Variants in VCL observed in about 807,000 individuals in gnomAD.
VCL encodes the protein vinculin.
VCL carries 47 observed loss-of-function variants against 125.7 expected under a neutral mutation model. That is an observed-to-expected ratio of 0.37 (90% confidence interval 0.30 to 0.48). The LOEUF (loss-of-function observed/expected upper bound fraction) is 0.48. Ranked by LOEUF, VCL falls within the 20% of genes least tolerant of loss-of-function variation. The pLI, the probability that VCL is intolerant of heterozygous loss-of-function variation, is 0.99. For missense variants in VCL, 1,069 were observed against 1,455.5 expected, an observed-to-expected ratio of 0.73 and a Z score of 4.32; for synonymous variants, 458 against 514.6, an observed-to-expected ratio of 0.89 and a Z score of 1.49.
intron 18 of VCL, 127 bp downstream of exon 18, chr10:74,109,283 C>A: frequency 1.7e-6 from 2 of 1,176,798 alleles, no homozygotes; most frequent in African/African-American, 1.5e-5. Flanking sequence ...CCTGTGTTGC[C>A]AATAGCATAT....
Position 74,108,532 on chromosome 10 carries a change from C to G in VCL, c.2560-439C>G, listed in dbSNP as rs182789028. On this transcript the variant is annotated intron_variant, in intron 17 of 21. Coordinates refer to ENST00000211998, the MANE Select transcript of VCL (RefSeq NM_014000.3). ...TCTTGCTCTGTCGCCCAGGCTGGAG[C>G]GCAGTGGCATGATCTCAGCTCACGG... 8.0e-4 allele frequency among the ~76,000 whole-genome samples: 121 copies of G among 151,132 alleles called. 13 individuals carry two copies. Among genetic ancestry groups the G allele is most frequent in the Non-Finnish European group, 4.4e-5 (3 of 67,862 alleles).
Position 74,010,869 on chromosome 10 carries a change from A to G in VCL, c.168+12494A>G, listed in dbSNP as rs532460828. Among the ~76,000 whole-genome samples, 294 of 152,246 alleles carry G rather than the reference A, an allele frequency of 1.9e-3. 1 individual carries two copies. The highest frequency in any genetic ancestry group is 3.1e-3 in the Admixed American group (48 of 15,284). Reference sequence around the variant, plus strand: ...TCCTGAAAGAACTTCTGGTCCCAACATACTTATTAAGACATGGGGGCTGGG... The same window carrying G: ...TCCTGAAAGAACTTCTGGTCCCAACGTACTTATTAAGACATGGGGGCTGGG... On this transcript the variant is annotated intron_variant, in intron 1 of 21. Coordinates refer to ENST00000211998, the MANE Select transcript of VCL (RefSeq NM_014000.3).
At chr10:74,072,271 A>G (rs1841672689) in intron 4 of VCL, among the ~76,000 whole-genome samples, 3 of 152,192 alleles carry the variant, frequency 2.0e-5, no homozygotes, top group African/African-American at 7.2e-5. Flanking sequence ...TGGAAAGTAC[A>G]GACAAATAGA....
chr10:74,075,024 G>T (rs1272113561), intron 6 of VCL, 121 bp downstream of exon 6: 1 of 1,261,364 alleles, frequency 7.9e-7, no homozygotes, highest in East Asian at 2.4e-5. Context: ...CTCAGATATT[G>T]TGAAAGTAAT....
chr10:74,026,193 C>T (rs1420979574), intron 1 of VCL, among the ~76,000 whole-genome samples: 3 of 152,180 alleles, frequency 2.0e-5, no homozygotes, highest in Admixed American at 6.5e-5. Context: ...CCCCAGGTAG[C>T]CTTTTCCTAT....
chr10:74,117,013 C>G (rs896182129), intron 21 of VCL, among the ~76,000 whole-genome samples: 1 of 152,158 alleles, frequency 6.6e-6, no homozygotes, highest in Non-Finnish European at 1.5e-5. Flanking sequence ...TTGCCAAGAT[C>G]CTTCCTTGAC....
intron 10 of VCL, among the ~76,000 whole-genome samples, chr10:74,090,941 C>T (rs1164542925): frequency 6.6e-6 from 1 of 152,096 alleles, no homozygotes; most frequent in East Asian, 1.9e-4. Flanking sequence ...GCTGGGACTA[C>T]AGGCACGTGC....
chr10:74,054,332 G>A (rs1841358184), intron 2 of VCL, among the ~76,000 whole-genome samples: 1 of 152,182 alleles, frequency 6.6e-6, no homozygotes, highest in African/African-American at 2.4e-5. Flanking sequence ...TTACAAGTTT[G>A]TGATTCTTCT....
intron 2 of VCL, among the ~76,000 whole-genome samples, chr10:74,054,983 C>T (rs929896418): frequency 1.3e-5 from 2 of 151,934 alleles, no homozygotes; most frequent in African/African-American, 4.8e-5. Context: ...TAAATTATTT[C>T]TTGATTAAGA....
At chr10:74,120,709 A>C (rs1564538372), downstream of VCL, 1 of 152,046 alleles carries the variant, frequency 6.6e-6, no homozygotes, top group South Asian at 2.1e-4. Flanking sequence ...GTAGAGATGG[A>C]GTTTCACCAT....
intron 14 of VCL, among the ~76,000 whole-genome samples, chr10:74,101,315 G>A (rs1388402620): frequency 6.6e-6 from 1 of 150,440 alleles, no homozygotes; most frequent in Admixed American, 6.6e-5. Context: ...GCAAGACCCC[G>A]ACTCTACCAA....
At chr10:74,064,683 C>T (rs1841537297) in intron 2 of VCL, among the ~76,000 whole-genome samples, 1 of 152,166 alleles carries the variant, frequency 6.6e-6, no homozygotes, top group Non-Finnish European at 1.5e-5. Context: ...ACTGGGATTA[C>T]AGGCATGAGC....
At chr10:74,089,563 A>G (rs1426777664) in intron 9 of VCL, among the ~76,000 whole-genome samples, 5 of 152,194 alleles carry the variant, frequency 3.3e-5, no homozygotes, top group Non-Finnish European at 7.3e-5. Flanking sequence ...TAAAGATCTT[A>G]ATTTACAGCA....
In VCL at chr10:74,049,214, C is replaced by A. The variant is rs139042214; in HGVS notation, c.239+6061C>A. Among the ~76,000 whole-genome samples the A allele has an allele frequency of 8.3e-3, 1,261 of 151,976 alleles. 6 individuals carry two copies. The highest frequency in any genetic ancestry group is 0.02 in the Middle Eastern group (6 of 294). On this transcript the variant is annotated intron_variant, in intron 2 of 21. Coordinates refer to ENST00000211998, the MANE Select transcript of VCL (RefSeq NM_014000.3). ...CCTTCTCATTATGTTTTTTTTTAAA[C>A]TTTCATTGAAGTATAATATGCTTGT...
intron 2 of VCL, among the ~76,000 whole-genome samples, chr10:74,049,205 T>C (rs777519709): frequency 2.0e-5 from 3 of 152,220 alleles, no homozygotes; most frequent in Non-Finnish European, 4.4e-5. Context: ...CATTATGTTT[T>C]TTTTTAAACT....
chr10:74,078,669 AG>A (rs769084363), intron 6 of VCL, among the ~76,000 whole-genome samples: 9 of 152,242 alleles, frequency 5.9e-5, no homozygotes, highest in Non-Finnish European at 1.3e-4. Context: ...TTTTAGAGCC[AG>A]GAAGGTATTC....
intron 5 of VCL, among the ~76,000 whole-genome samples, chr10:74,073,315 C>T (rs1019970251): frequency 2.0e-5 from 3 of 152,134 alleles, no homozygotes; most frequent in African/African-American, 7.2e-5. Context: ...GATTGGTTAT[C>T]ACATGATGGC....
chr10:74,096,130 A>G (rs1307502958), intron 12 of VCL, among the ~76,000 whole-genome samples: 1 of 144,786 alleles, frequency 6.9e-6, no homozygotes, highest in Non-Finnish European at 1.5e-5. Flanking sequence ...TTATTTAGCC[A>G]ATATTTTTCT....
rs143340063 is a variant in VCL at position 74,116,025 on chromosome 10, C to A, written c.3258+1126C>A. On this transcript the variant is annotated intron_variant, in intron 21 of 21. Transcript: ENST00000211998. ...ACATGGGGTACATAGTTTTGTTGGACTAGCCACACGAGGCTCATCACACAT... is the reference window on the plus strand; with the variant it reads ...ACATGGGGTACATAGTTTTGTTGGAATAGCCACACGAGGCTCATCACACAT... 7.0e-3 allele frequency among the ~76,000 whole-genome samples: 1,061 copies of A among 152,320 alleles called. 8 individuals are homozygous for A. Among genetic ancestry groups the A allele is most frequent in the Non-Finnish European group, 0.013 (871 of 68,030 alleles).
Sources: gnomAD v4.1 joint callset for allele counts (sites outside exome capture counted in the v4.1 genomes callset) on GRCh38, gnomAD v4.1.1 for gene constraint, MANE v1.5 for transcripts, NCBI Gene and HGNC (gene_info 2026-07-23, HGNC 2026-07-21) for gene names.